NALF1: variants seen among roughly 807,000 people sequenced by gnomAD.
NALF1 encodes family with sequence similarity 155 member A.
NALF1 carries 3 observed loss-of-function variants against 48.4 expected under a neutral mutation model. The ratio of observed to expected loss-of-function variants is 0.06; its 90% CI spans 0.03 to 0.16. The LOEUF (loss-of-function observed/expected upper bound fraction) is 0.16. NALF1 is among the 10% of genes least tolerant of loss of function. The pLI is 1.00. For synonymous variants in NALF1, 262 were observed against 245.7 expected, an observed-to-expected ratio of 1.07 and a Z score of -0.62; for missense variants, 526 against 571.5, an observed-to-expected ratio of 0.92 and a Z score of 0.81.
chr13:107,290,587 C>A (rs552549560), intron 1 of NALF1, among the ~76,000 whole-genome samples: 1 of 152,212 alleles, frequency 6.6e-6, no homozygotes, highest in South Asian at 2.1e-4. Context: ...GATCGTGAGG[C>A]CTCCCCAGCC....
In NALF1 at chr13:107,686,844, A is replaced by G. The variant is rs146528351; in HGVS notation, c.915+178838T>C. 3.0e-3 allele frequency among the ~76,000 whole-genome samples: 454 copies of G among 152,328 alleles called. 4 individuals are homozygous for G. The highest frequency in any genetic ancestry group is 0.011 in the African/African-American group (443 of 41,580). ...GGAGAAAAGGATACACTTATATGCT[A>G]CTGGAAGGGATGTAAACTAGTTCAA... On this transcript the variant is annotated intron_variant, in intron 1 of 2. Coordinates refer to ENST00000375915, the MANE Select transcript of NALF1 (RefSeq NM_001080396.3).
chr13:107,270,218 T>C (rs971493030), intron 1 of NALF1, among the ~76,000 whole-genome samples: 2 of 152,292 alleles, frequency 1.3e-5, no homozygotes, highest in African/African-American at 4.8e-5. Context: ...TTATTTTCTA[T>C]GTCAAACTTT....
At chr13:107,486,985 T>C (rs1248119096) in intron 1 of NALF1, among the ~76,000 whole-genome samples, 1 of 152,126 alleles carries the variant, frequency 6.6e-6, no homozygotes, top group Non-Finnish European at 1.5e-5. Context: ...TCTAGCAACT[T>C]GTAAACAGAG....
chr13:107,176,732 A>G (rs1372674461), intron 2 of NALF1, among the ~76,000 whole-genome samples: 5 of 152,218 alleles, frequency 3.3e-5, no homozygotes, highest in South Asian at 2.1e-4. Context: ...TTAATTACTC[A>G]TGTTGTAAGT....
intron 1 of NALF1, among the ~76,000 whole-genome samples, chr13:107,762,199 T>C (rs1295957779): frequency 1.3e-5 from 2 of 151,456 alleles, no homozygotes; most frequent in Admixed American, 1.3e-4. Flanking sequence ...CCTTTATATG[T>C]AGCTATTGGT....
chr13:107,354,350 A>T (rs919185542), intron 1 of NALF1, among the ~76,000 whole-genome samples: 27 of 152,226 alleles, frequency 1.8e-4, no homozygotes, highest in African/African-American at 5.3e-4. Context: ...GTAAAGAATC[A>T]AAAAGGTATG....
At chr13:107,819,009 T>A (rs892203931) in intron 1 of NALF1, among the ~76,000 whole-genome samples, 11 of 150,334 alleles carry the variant, frequency 7.3e-5, no homozygotes, top group Non-Finnish European at 1.6e-4. Context: ...CTACTGAAAG[T>A]CACACTGGAT....
At chr13:107,549,623 T>G (rs559704618) in intron 1 of NALF1, among the ~76,000 whole-genome samples, 2 of 152,314 alleles carry the variant, frequency 1.3e-5, no homozygotes, top group African/African-American at 2.4e-5. Flanking sequence ...TATATATGGT[T>G]GTGTATACAT....
At chr13:107,758,445 G>C (rs1284757365) in intron 1 of NALF1, among the ~76,000 whole-genome samples, 5 of 152,188 alleles carry the variant, frequency 3.3e-5, no homozygotes, top group Non-Finnish European at 5.9e-5. Context: ...GTATAGGCTT[G>C]GCGCAGTGGC....
chr13:107,537,295 C>T (rs1342407662), intron 1 of NALF1, among the ~76,000 whole-genome samples: 1 of 152,014 alleles, frequency 6.6e-6, no homozygotes. Context: ...TGGAAACTAA[C>T]TTAAACATGT....
chr13:107,451,557 A>T (rs1341772012), intron 1 of NALF1, among the ~76,000 whole-genome samples: 3 of 152,140 alleles, frequency 2.0e-5, no homozygotes, highest in Non-Finnish European at 4.4e-5. Flanking sequence ...AGCATGTCTG[A>T]ATACATGCTC....
intron 1 of NALF1, among the ~76,000 whole-genome samples, chr13:107,827,111 T>C (rs1031449205): frequency 1.3e-5 from 2 of 152,216 alleles, no homozygotes; most frequent in African/African-American, 4.8e-5. Context: ...TCTCTTGCAT[T>C]AGGATTTATG....
intron 1 of NALF1, among the ~76,000 whole-genome samples, chr13:107,716,764 A>T (rs1875835555): frequency 6.6e-6 from 1 of 152,140 alleles, no homozygotes; most frequent in South Asian, 2.1e-4. Flanking sequence ...GAGTGTCATA[A>T]ATGTTGAATT....
Position 107,465,473 on chromosome 13 carries a change from G to A in NALF1, c.916-254718C>T, listed in dbSNP as rs567195926. Among the ~76,000 whole-genome samples the A allele has an allele frequency of 5.9e-5, 9 of 152,098 alleles. No individual in the cohort carries two copies. In the East Asian group the frequency reaches 1.5e-3, roughly 26 times the overall value. ...ACCTGCCTGGGTCTCTGTGCTCTGG[G>A]AAAACCTCTATCACACAAGATTCTG... On this transcript the variant is annotated intron_variant, in intron 1 of 2. Coordinates refer to ENST00000375915, the MANE Select transcript of NALF1 (RefSeq NM_001080396.3).
chr13:107,678,477 T>C (rs184353461), intron 1 of NALF1, among the ~76,000 whole-genome samples: 1 of 152,344 alleles, frequency 6.6e-6, no homozygotes, highest in African/African-American at 2.4e-5. Context: ...CAGAGCTGTG[T>C]CCTACACCGT....
At position 107,238,407 on chromosome 13, in the gene NALF1, TAGTC is replaced by T. The variant is rs150915354; in HGVS notation, c.916-27656_916-27653del. ...TTGTTAAGATGGGTGGATGGAGTAT[TAGTC>T]AGGCAAGGAGTCAGGTCAGGTAAAT... On this transcript the variant is annotated intron_variant, in intron 1 of 2. Coordinates refer to ENST00000375915, the MANE Select transcript of NALF1 (RefSeq NM_001080396.3). 4.7e-3 allele frequency among the ~76,000 whole-genome samples: 717 copies of T among 152,282 alleles called. 3 individuals are homozygous for T. Among genetic ancestry groups the T allele is most frequent in the Middle Eastern group, 0.01 (3 of 294 alleles).
At chr13:107,854,597 C>A (rs816991) in intron 1 of NALF1, among the ~76,000 whole-genome samples, 1 of 152,094 alleles carries the variant, frequency 6.6e-6, no homozygotes, top group African/African-American at 2.4e-5. Flanking sequence ...TTGGGGTCAG[C>A]GGCGGTGGCT....
At chr13:107,544,386 A>AG (rs1566386682) in intron 1 of NALF1, among the ~76,000 whole-genome samples, 1 of 152,204 alleles carries the variant, frequency 6.6e-6, no homozygotes, top group Non-Finnish European at 1.5e-5. Context: ...AAATGACTCA[A>AG]GCCATAATTG....
At chr13:107,311,733 C>T (rs1882050426) in intron 1 of NALF1, among the ~76,000 whole-genome samples, 1 of 151,616 alleles carries the variant, frequency 6.6e-6, no homozygotes, top group African/African-American at 2.4e-5. Flanking sequence ...AGAAAAAAAA[C>T]AAACAACCCC....
Sources: allele counts gnomAD v4.1 joint callset (sites outside exome capture counted in the v4.1 genomes callset), GRCh38; gene constraint gnomAD v4.1.1; transcripts MANE v1.5; gene names NCBI Gene and HGNC (gene_info 2026-07-23, HGNC 2026-07-21).